Variants in RANBP2 observed in about 807,000 individuals in gnomAD.
RANBP2 encodes the protein RAN binding protein 2, also known as E3 SUMO-protein ligase RanBP2.
Under a neutral mutation model 303.6 loss-of-function variants are expected in RANBP2, and 57 were observed. The observed-to-expected ratio is 0.19, with a 90% CI of 0.15 to 0.23. The LOEUF is 0.23. Among genes scored for constraint, RANBP2 ranks in the 10% least tolerant of loss-of-function variants. The probability of loss-of-function intolerance (pLI) is 1.00; values close to 1 mark genes in which losing one functional copy is unlikely to be tolerated. For synonymous variants in RANBP2, 1,167 were observed against 1,301.5 expected (o/e 0.90, Z 2.23); for missense variants, 3,138 against 3,780.8 (o/e 0.83, Z 4.46).
chr2:109,240,587 T>C, the RANBP2 span, among the ~76,000 whole-genome samples: 2 of 152,176 alleles, frequency 1.3e-5, no homozygotes, highest in Admixed American at 6.5e-5. Flanking sequence ...GACTTGTGGA[T>C]AAATAGGTTT....
chr2:109,539,248 A>G, the RANBP2 span, among the ~76,000 whole-genome samples: 2 of 150,694 alleles, frequency 1.3e-5, no homozygotes, highest in Non-Finnish European at 3.0e-5. Flanking sequence ...CAGTGAGCCG[A>G]TATTATGCCA....
chr2:109,210,418 T>C, the RANBP2 span, among the ~76,000 whole-genome samples: 1 of 152,226 alleles, frequency 6.6e-6, no homozygotes, highest in African/African-American at 2.4e-5. Context: ...TCTGTAGGCA[T>C]TGAGCACAGT....
the RANBP2 span, chr2:109,545,383 ACC>A: frequency 6.6e-7 from 1 of 1,522,068 alleles, no homozygotes; most frequent in Non-Finnish European, 8.8e-7. Context: ...TTTAACACAT[ACC>A]CCAAACCTAC....
At chr2:109,129,811 G>C in the RANBP2 span, 7 of 1,537,900 alleles carry the variant, frequency 4.6e-6, no homozygotes, top group Non-Finnish European at 6.1e-6. Flanking sequence ...CTCGCGCCAC[G>C]AGCTGCGCTG....
chr2:109,629,338 TATATATATA>T, the RANBP2 span, among the ~76,000 whole-genome samples: 1 of 10,680 alleles, frequency 9.4e-5, no homozygotes, highest in African/African-American at 3.1e-4. Flanking sequence ...TATATATATA[TATATATATA>T]TATATATATT....
the RANBP2 span, among the ~76,000 whole-genome samples, chr2:109,463,647 G>A: frequency 6.2e-4 from 94 of 152,342 alleles, no homozygotes; most frequent in African/African-American, 2.2e-3. Flanking sequence ...GAAGCCATCA[G>A]ACCCTGAGGC....
chr2:109,317,067 T>C, the RANBP2 span, among the ~76,000 whole-genome samples: 1 of 152,216 alleles, frequency 6.6e-6, no homozygotes, highest in Admixed American at 6.5e-5. Flanking sequence ...GCTATCTTGG[T>C]GGCTTCCGCA....
chr2:109,524,953 T>G, the RANBP2 span, among the ~76,000 whole-genome samples: 2 of 152,056 alleles, frequency 1.3e-5, no homozygotes, highest in Admixed American at 1.3e-4. Context: ...TTATGTTCCT[T>G]TCAGCAGGGT....
At chr2:109,552,790 G>T in the RANBP2 span, 1 of 266,702 alleles carries the variant, frequency 3.7e-6, no homozygotes, top group Non-Finnish European at 7.0e-6. Context: ...TGGATTTCAT[G>T]AAAGAAAAAT....
the RANBP2 span, among the ~76,000 whole-genome samples, chr2:109,580,277 TA>T: frequency 7.0e-6 from 1 of 142,084 alleles, no homozygotes; most frequent in African/African-American, 2.6e-5. Context: ...AATTTGCCAA[TA>T]AAAAAATCAG....
At chr2:109,159,178 A>ACAGAG in the RANBP2 span, among the ~76,000 whole-genome samples, 1 of 152,192 alleles carries the variant, frequency 6.6e-6, no homozygotes, top group African/African-American at 2.4e-5. Flanking sequence ...GGACTCAGGT[A>ACAGAG]CAGAGCAGGG....
the RANBP2 span, among the ~76,000 whole-genome samples, chr2:108,967,196 A>C: frequency 6.6e-6 from 1 of 152,182 alleles, no homozygotes; most frequent in Admixed American, 6.5e-5. Context: ...TGGCCTCCCA[A>C]AGTGCTCAGA....
the RANBP2 span, among the ~76,000 whole-genome samples, chr2:109,216,567 G>A: frequency 3.3e-5 from 5 of 152,144 alleles, no homozygotes; most frequent in African/African-American, 9.7e-5. Context: ...CACACAGCCC[G>A]AAGCCTGAGG....
chr2:108,788,295 C>A (rs149132027), downstream of RANBP2, among the ~76,000 whole-genome samples: 760 of 152,228 alleles, frequency 5.0e-3, 4 homozygotes, highest in South Asian at 0.021. Flanking sequence ...TGGCGGGCGC[C>A]TGTAATCCCA....
the RANBP2 span, among the ~76,000 whole-genome samples, chr2:108,811,673 G>T: frequency 2.0e-5 from 3 of 152,040 alleles, no homozygotes; most frequent in South Asian, 6.2e-4. Context: ...TGGATATATT[G>T]TGTAACAGTG....
the RANBP2 span, among the ~76,000 whole-genome samples, chr2:109,053,564 T>C: frequency 6.6e-6 from 1 of 152,210 alleles, no homozygotes; most frequent in Admixed American, 6.5e-5. Flanking sequence ...TCCAGCAGCT[T>C]TCTCGAGCCT....
chr2:109,297,366 AAGG>A, the RANBP2 span, among the ~76,000 whole-genome samples: 2 of 152,084 alleles, frequency 1.3e-5, no homozygotes, highest in Non-Finnish European at 2.9e-5. Flanking sequence ...AGGGGAAGGG[AAGG>A]AGGAGAGATT....
the RANBP2 span, among the ~76,000 whole-genome samples, chr2:108,878,104 G>A: frequency 0.71 from 107,502 of 152,176 alleles, 41,356 homozygotes; most frequent in East Asian, 0.9. Flanking sequence ...AATCAACTAA[G>A]AGATGAAAGA....
the RANBP2 span, chr2:109,437,128 C>T: frequency 3.1e-5 from 50 of 1,611,644 alleles, no homozygotes; most frequent in African/African-American, 1.3e-4. Flanking sequence ...CAGCCAAGCC[C>T]GGAGCACCAT....
Sources: allele counts gnomAD v4.1 joint callset (sites outside exome capture counted in the v4.1 genomes callset), GRCh38; gene constraint gnomAD v4.1.1; transcripts MANE v1.5; gene names NCBI Gene and HGNC (gene_info 2026-07-23, HGNC 2026-07-21).